Variants in B4GALT5 observed in about 807,000 individuals in gnomAD.
The protein encoded by B4GALT5 is UDP-Gal:beta-GlcNAc beta-1,4-galactosyltransferase 5.
In B4GALT5, 11 loss-of-function variants were observed where a neutral mutation model predicts 45.0. That is an observed-to-expected ratio of 0.24 (90% CI 0.15 to 0.40). The LOEUF (loss-of-function observed/expected upper bound fraction) is 0.40, where lower values mean the gene tolerates loss of function less well. Among genes scored for constraint, B4GALT5 ranks in the 10% least tolerant of loss-of-function variants. The pLI is 1.00. For synonymous variants in B4GALT5, 185 were observed against 182.9 expected, an observed-to-expected ratio of 1.01 and a Z score of -0.09; for missense variants, 337 against 500.2, an observed-to-expected ratio of 0.67 and a Z score of 3.11.
intron 1 of B4GALT5, among the ~76,000 whole-genome samples, chr20:49,696,788 CAACAG>C (rs1207808856): frequency 9.2e-5 from 14 of 152,228 alleles, no homozygotes; most frequent in Admixed American, 3.3e-4. Context: ...AAATATTGTT[CAACAG>C]AACAAAGGTG....
chr20:49,688,291 T>C (rs1276018817), intron 1 of B4GALT5, among the ~76,000 whole-genome samples: 2 of 152,188 alleles, frequency 1.3e-5, no homozygotes, highest in African/African-American at 4.8e-5. Flanking sequence ...GCAGGTTTCT[T>C]CACCAATCCC....
At chr20:49,713,172 G>T (rs1230842448) in intron 1 of B4GALT5, among the ~76,000 whole-genome samples, 1 of 151,732 alleles carries the variant, frequency 6.6e-6, no homozygotes, top group Non-Finnish European at 1.5e-5. Context: ...ACTGGGGTGC[G>T]GGGAATGCCG....
intron 1 of B4GALT5, among the ~76,000 whole-genome samples, chr20:49,671,361 T>C (rs1450382000): frequency 2.0e-5 from 3 of 152,014 alleles, no homozygotes; most frequent in Non-Finnish European, 4.4e-5. Context: ...AGTGACAGAG[T>C]GAGACTCTGT....
In B4GALT5 at chr20:49,676,103, G is replaced by A. The variant is rs111891787; in HGVS notation, c.116-19401C>T. Among the ~76,000 whole-genome samples the A allele has an allele frequency of 9.9e-3, 1,376 of 138,880 alleles. 20 individuals carry two copies. Among genetic ancestry groups the A allele is most frequent in the African/African-American group, 0.033 (1,239 of 37,706 alleles). The allele number at this position is 138,880 out of a possible 152,430, so 91.1% of individuals were successfully genotyped here. A position where few individuals can be genotyped will look rare whatever the true frequency, so the allele number is the denominator to read the frequency against. Reference sequence around the variant, plus strand: ...TACTCATAAAGTGACTCAGTCCACCGATGGGCCAACTGACAAATCCTTAAG... The same window carrying A: ...TACTCATAAAGTGACTCAGTCCACCAATGGGCCAACTGACAAATCCTTAAG... On this transcript the variant is annotated intron_variant, in intron 1 of 8. Coordinates refer to ENST00000371711, the MANE Select transcript of B4GALT5 (RefSeq NM_004776.4).
At chr20:49,663,645 C>A (rs1218656337) in intron 1 of B4GALT5, among the ~76,000 whole-genome samples, 1 of 118,256 alleles carries the variant, frequency 8.5e-6, no homozygotes, top group Non-Finnish European at 1.6e-5. Context: ...TTAAGTCCAG[C>A]CAGAGCAACA....
intron 1 of B4GALT5, among the ~76,000 whole-genome samples, chr20:49,675,903 T>C (rs1280096559): frequency 6.6e-6 from 1 of 152,118 alleles, no homozygotes; most frequent in Non-Finnish European, 1.5e-5. Context: ...CAGGAATGAG[T>C]GACTTCATCT....
At chr20:49,665,866 G>A (rs1430130945) in intron 1 of B4GALT5, among the ~76,000 whole-genome samples, 1 of 151,804 alleles carries the variant, frequency 6.6e-6, no homozygotes, top group African/African-American at 2.4e-5. Flanking sequence ...CATCCAGGGG[G>A]AAATACATCT....
At position 49,656,334 on chromosome 20, in the gene B4GALT5, G is replaced by A. The variant is rs74273886; in HGVS notation, c.250+234C>T. Among the ~76,000 whole-genome samples, 129 of 152,162 alleles carry A rather than the reference G, an allele frequency of 8.5e-4. 2 individuals are homozygous for A. In the East Asian group the frequency reaches 0.023, roughly 27 times the overall value. ...TAAGCCAAATAAATCCTTTTTCTTT[G>A]TAAATTATCCAACCTCAAGTACTCT... On this transcript the variant is annotated intron_variant, in intron 2 of 8. Transcript: ENST00000371711.
At position 49,636,118 on chromosome 20, in the gene B4GALT5, C is replaced by A. The variant is rs947436821; in HGVS notation, c.*194G>T. On this transcript the variant is annotated 3_prime_UTR_variant, in exon 9 of 9. Transcript: ENST00000371711. The stretch of plus-strand genomic sequence containing the variant: ...ACGAAGGAAGTCCCCAAGCTCACTC[C>A]CTCAGTTCCAGCGGCTGATCCAGTG... The A allele has an allele frequency of 4.5e-6, 3 of 670,050 alleles. No individual in the cohort carries two copies. In the African/African-American group the frequency reaches 5.5e-5, roughly 12 times the overall value. The allele number at this position is 670,050 out of a possible 1,614,324, so 41.5% of individuals were successfully genotyped here. A position where few individuals can be genotyped will look rare whatever the true frequency, so the allele number is the denominator to read the frequency against.
chr20:49,646,998 T>C lies in B4GALT5; in HGVS notation c.331A>G (p.Asn111Asp), dbSNP rs2085601849. 6.2e-7 allele frequency: 1 copy of C among 1,614,022 alleles called. No individual in the cohort carries two copies. The highest frequency in any genetic ancestry group is 8.5e-7 in the Non-Finnish European group (1 of 1,179,886). Residue 111 changes from asparagine to aspartate, a missense_variant, in exon 3 of 9, where the codon AAC becomes GAC. Physicochemically the swap from Asn to Asp is conservative, Grantham distance 23. This residue lies in a region of B4GALT5 where 174 missense variants were observed against 207.4 expected (regional missense o/e 0.84). Transcript: ENST00000371711. Reference sequence around the variant, plus strand: ...GGGAGTCTTTCAGGGCAGGTATGGTTTGCAAAGTAGGTGAAGTCTTCAGGA... The same window carrying C: ...GGGAGTCTTTCAGGGCAGGTATGGTCTGCAAAGTAGGTGAAGTCTTCAGGA... ...FLPEDFTYFANHTCPERLPSM... is the reference protein window; with the variant it reads ...FLPEDFTYFADHTCPERLPSM...
At chr20:49,674,619 A>G (rs2085730071) in intron 1 of B4GALT5, among the ~76,000 whole-genome samples, 1 of 151,774 alleles carries the variant, frequency 6.6e-6, no homozygotes, top group Non-Finnish European at 1.5e-5. Flanking sequence ...CCGAGGTGGG[A>G]GGATCACTTG....
At chr20:49,690,000 G>A (rs1433690565) in intron 1 of B4GALT5, among the ~76,000 whole-genome samples, 1 of 151,998 alleles carries the variant, frequency 6.6e-6, no homozygotes, top group Non-Finnish European at 1.5e-5. Context: ...TGTTTTTGTT[G>A]TTGTTATTTG....
rs146144832 is a variant in B4GALT5 at position 49,647,791 on chromosome 20, G to A, written c.251-713C>T. ...GTATTCTCTCAACTTCATCCTCCCA[G>A]AGGAGGTGTGGCAGCTTCTGGCCTT... On this transcript the variant is annotated intron_variant, in intron 2 of 8. Coordinates refer to ENST00000371711, the MANE Select transcript of B4GALT5 (RefSeq NM_004776.4). 2.6e-3 allele frequency among the ~76,000 whole-genome samples: 399 copies of A among 151,968 alleles called. 2 individuals carry two copies. The highest frequency in any genetic ancestry group is 3.6e-3 in the Admixed American group (55 of 15,254).
intron 1 of B4GALT5, among the ~76,000 whole-genome samples, chr20:49,657,153 C>T (rs751863342): frequency 6.6e-6 from 1 of 152,150 alleles, no homozygotes; most frequent in Non-Finnish European, 1.5e-5. Context: ...AGCACTGAAG[C>T]CATGGTCTGA....
chr20:49,698,449 A>C (rs2085848530), intron 1 of B4GALT5, among the ~76,000 whole-genome samples: 1 of 152,244 alleles, frequency 6.6e-6, no homozygotes, highest in South Asian at 2.1e-4. Context: ...CCTAGTGCCA[A>C]ATGAAATTCA....
At chr20:49,686,088 G>A (rs577899244) in intron 1 of B4GALT5, among the ~76,000 whole-genome samples, 4 of 152,344 alleles carry the variant, frequency 2.6e-5, no homozygotes, top group African/African-American at 9.6e-5. Flanking sequence ...CATCAAAGCA[G>A]AATGATTTGG....
At position 49,692,764 on chromosome 20, in the gene B4GALT5, T is replaced by C. The variant is rs374788889; in HGVS notation, c.115+20812A>G. 9.8e-5 allele frequency among the ~76,000 whole-genome samples: 15 copies of C among 152,328 alleles called. 1 individual carries two copies. Among genetic ancestry groups the C allele is most frequent in the South Asian group, 8.3e-4 (4 of 4,828 alleles). On this transcript the variant is annotated intron_variant, in intron 1 of 8. Transcript: ENST00000371711. ...GACTACATTTAACGTTTTTAGTTAG[T>C]ATATAAAACTGTACATATAATGTAA... is the stretch of plus-strand genomic sequence containing the variant.
chr20:49,692,968 CT>C (rs2085822448), intron 1 of B4GALT5, among the ~76,000 whole-genome samples: 1 of 152,098 alleles, frequency 6.6e-6, no homozygotes, highest in Non-Finnish European at 1.5e-5. Flanking sequence ...TTTACTATAC[CT>C]TTTCTGTTTA....
chr20:49,707,624 CGTT>C (rs2037937617), intron 1 of B4GALT5, among the ~76,000 whole-genome samples: 1 of 151,938 alleles, frequency 6.6e-6, no homozygotes, highest in Non-Finnish European at 1.5e-5. Context: ...TCTCTAAAAT[CGTT>C]GTTTGGAGAC....
Sources: allele counts gnomAD v4.1 joint callset (sites outside exome capture counted in the v4.1 genomes callset), GRCh38; gene constraint gnomAD v4.1.1; regional missense constraint gnomAD v4.1.1; transcripts MANE v1.5; gene names NCBI Gene and HGNC (gene_info 2026-07-23, HGNC 2026-07-21).